MOB3B: variants seen among roughly 807,000 people sequenced by gnomAD.
MOB3B encodes MOB kinase activator-like 2B.
MOB3B carries 7 observed loss-of-function variants against 18.7 expected under a neutral mutation model. The observed-to-expected ratio is 0.37, with a 90% confidence interval of 0.21 to 0.70. The LOEUF (loss-of-function observed/expected upper bound fraction) is 0.70. MOB3B is among the 30% of genes least tolerant of loss of function. MOB3B has a pLI of 0.52. For synonymous variants in MOB3B, 111 were observed against 99.9 expected, an observed-to-expected ratio of 1.11 and a Z score of -0.66; for missense variants, 253 against 281.3, an observed-to-expected ratio of 0.90 and a Z score of 0.72.
chr9:27,524,562 A>G (rs1443599552), intron 1 of MOB3B: 1 of 1,613,976 alleles, frequency 6.2e-7, no homozygotes, highest in East Asian at 2.2e-5. Flanking sequence ...TCTGCAATAC[A>G]CCCAACCTAT....
intron 2 of MOB3B, among the ~76,000 whole-genome samples, chr9:27,375,271 A>T (rs527740237): frequency 2.8e-4 from 42 of 152,104 alleles, no homozygotes; most frequent in African/African-American, 8.9e-4. Flanking sequence ...TGGGGTAGTC[A>T]CTCTTTTTGG....
rs111349036 is a variant in MOB3B, at chr9:27,377,865, C to T, written c.419-18629G>A. On this transcript the variant is annotated intron_variant, in intron 2 of 3. Transcript: ENST00000262244. Reference sequence around the variant, plus strand: ...AACTTTACAGAAGTGTGGATAGTGACGTTCATTTGAACCCTAGGTCCCCCA... The same window carrying T: ...AACTTTACAGAAGTGTGGATAGTGATGTTCATTTGAACCCTAGGTCCCCCA... 4.8e-3 allele frequency among the ~76,000 whole-genome samples: 737 copies of T among 152,316 alleles called. 5 individuals carry two copies. Among genetic ancestry groups the T allele is most frequent in the African/African-American group, 0.017 (704 of 41,574 alleles).
rs192687217 is a variant in MOB3B at position 27,432,394 on chromosome 9, T to C, written c.418+22739A>G. On this transcript the variant is annotated intron_variant, in intron 2 of 3. Transcript: ENST00000262244. Reference sequence around the variant, plus strand: ...AAAGTTCTATTCAGTATTGTCATAGTAGTAAAGCTTTTATTTTTAGTAGTC... The same window carrying C: ...AAAGTTCTATTCAGTATTGTCATAGCAGTAAAGCTTTTATTTTTAGTAGTC... Among the ~76,000 whole-genome samples the C allele has an allele frequency of 2.0e-5, 3 of 152,356 alleles. No homozygotes were observed. In the East Asian group the frequency reaches 5.8e-4, roughly 29 times the overall value.
chr9:27,487,153 A>AAATAAATAAATAAATT (rs1241652908), intron 1 of MOB3B, among the ~76,000 whole-genome samples: 1 of 22,846 alleles, frequency 4.4e-5, no homozygotes, highest in Non-Finnish European at 2.5e-4. Context: ...ATAAATAAAT[A>AAATAAATAAATAAATT]AAATAAATAA....
chr9:27,394,806 A>C (rs961288790), intron 2 of MOB3B, among the ~76,000 whole-genome samples: 1 of 152,232 alleles, frequency 6.6e-6, no homozygotes, highest in African/African-American at 2.4e-5. Flanking sequence ...CTTTTTAATA[A>C]AAATTAGTAA....
intron 2 of MOB3B, among the ~76,000 whole-genome samples, chr9:27,426,373 G>GTA (rs373129288): frequency 5.7e-4 from 87 of 152,338 alleles, no homozygotes; most frequent in African/African-American, 2.1e-3. Flanking sequence ...GAACAGGAAG[G>GTA]TATAGTGTTG....
chr9:27,430,918 G>T (rs1294035474), intron 2 of MOB3B, among the ~76,000 whole-genome samples: 1 of 140,664 alleles, frequency 7.1e-6, no homozygotes, highest in African/African-American at 2.7e-5. Context: ...CTGCCATCCT[G>T]CCTGCTTGGG....
rs190534742 is a variant in MOB3B, at chr9:27,404,074, T to C, written c.419-44838A>G. Among the ~76,000 whole-genome samples the C allele has an allele frequency of 3.3e-3, 510 of 152,250 alleles. 6 individuals are homozygous for C. The highest frequency in any genetic ancestry group is 0.012 in the African/African-American group (493 of 41,546). ...TTGTACCCATTAACCCTCCTCGCTT[T>C]ATCTCCCCCTCCCTATTATACTTTC... On this transcript the variant is annotated intron_variant, in intron 2 of 3. Transcript: ENST00000262244.
chr9:27,457,210 C>T (rs1819189312), intron 1 of MOB3B, among the ~76,000 whole-genome samples: 1 of 152,214 alleles, frequency 6.6e-6, no homozygotes, highest in Non-Finnish European at 1.5e-5. Context: ...CTTGTTTTCC[C>T]CAAAGCTTCT....
At chr9:27,379,545 C>T (rs1389505062) in intron 2 of MOB3B, among the ~76,000 whole-genome samples, 3 of 152,118 alleles carry the variant, frequency 2.0e-5, no homozygotes, top group Non-Finnish European at 4.4e-5. Context: ...AAGTTTCCTG[C>T]CCAAGGTCAC....
chr9:27,513,601 T>C (rs769106008), intron 1 of MOB3B, among the ~76,000 whole-genome samples: 22 of 152,248 alleles, frequency 1.4e-4, no homozygotes, highest in Non-Finnish European at 2.6e-4. Flanking sequence ...TATCCCGAGC[T>C]CTTCCCATCA....
chr9:27,391,233 T>A (rs1821723517), intron 2 of MOB3B, among the ~76,000 whole-genome samples: 1 of 152,204 alleles, frequency 6.6e-6, no homozygotes, highest in Non-Finnish European at 1.5e-5. Context: ...GAGCACATCC[T>A]ATTCAGAGGC....
At chr9:27,475,705 C>T (rs2131471514) in intron 1 of MOB3B, among the ~76,000 whole-genome samples, 1 of 152,344 alleles carries the variant, frequency 6.6e-6, no homozygotes, top group East Asian at 1.9e-4. Flanking sequence ...GCTCCTCACC[C>T]AGTGTTCTCA....
chr9:27,482,618 A>T (rs985820875), intron 1 of MOB3B, among the ~76,000 whole-genome samples: 1 of 151,978 alleles, frequency 6.6e-6, no homozygotes, highest in African/African-American at 2.4e-5. Context: ...TTGCATCTCA[A>T]CCTCTGCCTC....
intron 2 of MOB3B, among the ~76,000 whole-genome samples, chr9:27,436,352 A>G (rs1822500906): frequency 9.2e-5 from 14 of 152,216 alleles, no homozygotes; most frequent in Admixed American, 9.2e-4. Context: ...TGCAACACTG[A>G]GTGGAAGAGA....
intron 1 of MOB3B, among the ~76,000 whole-genome samples, chr9:27,459,437 C>A (rs1411575300): frequency 6.6e-6 from 1 of 152,152 alleles, no homozygotes; most frequent in East Asian, 1.9e-4. Context: ...TCAGGCTTCA[C>A]CCCAAACCTG....
rs76771837 is a variant in MOB3B at position 27,398,442 on chromosome 9, C to T, written c.419-39206G>A. ...TAAAAATGAAGATAATAATTCCTAC[C>T]TGTAAGGTTGTTACTCAGAATTGAA... On this transcript the variant is annotated intron_variant, in intron 2 of 3. Transcript: ENST00000262244. 9.3e-3 allele frequency among the ~76,000 whole-genome samples: 1,413 copies of T among 152,268 alleles called. 8 individuals carry two copies. Among genetic ancestry groups the T allele is most frequent in the Middle Eastern group, 0.014 (4 of 294 alleles).
At chr9:27,520,477 C>T (rs1820306918) in intron 1 of MOB3B, among the ~76,000 whole-genome samples, 1 of 152,190 alleles carries the variant, frequency 6.6e-6, no homozygotes. Context: ...CTTACACTGT[C>T]ATTGTTTTCA....
intron 2 of MOB3B, among the ~76,000 whole-genome samples, chr9:27,400,715 C>T (rs771947199): frequency 2.0e-5 from 3 of 152,200 alleles, no homozygotes; most frequent in Non-Finnish European, 4.4e-5. Flanking sequence ...AGAGAAGGTC[C>T]ATTAACGTAC....
Sources: gnomAD v4.1 joint callset for allele counts (sites outside exome capture counted in the v4.1 genomes callset) on GRCh38, gnomAD v4.1.1 for gene constraint, MANE v1.5 for transcripts, NCBI Gene and HGNC (gene_info 2026-07-23, HGNC 2026-07-21) for gene names.